Variants in CHTF18 observed in about 807,000 individuals in gnomAD.
CHTF18 encodes chromosome transmission fidelity factor 18, also known as chromosome transmission fidelity protein 18 homolog.
CHTF18 carries 151 observed loss-of-function variants against 113.4 expected under a neutral mutation model. That is an observed-to-expected ratio of 1.33 (90% CI 1.17 to 1.52). The LOEUF (loss-of-function observed/expected upper bound fraction) is 1.52. Ranked by LOEUF, CHTF18 falls within the 40% of genes most tolerant of loss-of-function variation. CHTF18 has a pLI of 0.00. For synonymous variants in CHTF18, 916 were observed against 598.8 expected, an observed-to-expected ratio of 1.53 and a Z score of -7.74; for missense variants, 1,982 against 1,381.6, an observed-to-expected ratio of 1.43 and a Z score of -6.89.
chr16:797,060 C>T lies in CHTF18; in HGVS notation c.2701C>T (p.His901Tyr). Residue 901 changes from histidine to tyrosine, a missense_variant, in exon 20 of 22, where the codon CAC becomes TAC. Physicochemically the swap from His to Tyr is moderately conservative, Grantham distance 83. Coordinates refer to ENST00000262315, the MANE Select transcript of CHTF18 (RefSeq NM_022092.3). ...APRNHEQRLE[H>Y]IMRRAAREEQ... Reference sequence around the variant, plus strand: ...ACGCAACCATGAGCAGCGGCTGGAGCACATCATGAGGCGAGCGGCCCGGGA... The same window carrying T: ...ACGCAACCATGAGCAGCGGCTGGAGTACATCATGAGGCGAGCGGCCCGGGA... The T allele has an allele frequency of 1.3e-6, 2 of 1,554,104 alleles. No individual in the cohort carries two copies. The highest frequency in any genetic ancestry group is 1.9e-5 in the Admixed American group (1 of 51,524).
rs910124956 is a variant in CHTF18, at chr16:792,141, G to A, written c.1203-83G>A. 1.1e-5 allele frequency: 17 copies of A among 1,524,620 alleles called. No homozygotes were observed. The African/African-American group carries it at 1.2e-4, about 11-fold the overall frequency. 94.4% of individuals were successfully genotyped at this position (1,524,620 alleles called of 1,614,324 possible). A position where few individuals can be genotyped will look rare whatever the true frequency, so the allele number is the denominator to read the frequency against. ...AGCCGCGTCATGTGACGGTCTCCAC[G>A]CAAATGCGGCAGCCCCGGCCTTGGG... On this transcript the variant is annotated intron_variant, in intron 9 of 21. Coordinates refer to ENST00000262315, the MANE Select transcript of CHTF18 (RefSeq NM_022092.3).
Position 789,206 on chromosome 16 carries a change from C to T in CHTF18, c.287-4C>T, listed in dbSNP as rs1215475510. 1.9e-6 allele frequency: 3 copies of T among 1,550,872 alleles called. No homozygotes were observed. The highest frequency in any genetic ancestry group is 2.6e-6 in the Non-Finnish European group (3 of 1,147,268). On this transcript the variant is annotated splice_polypyrimidine_tract_variant and splice_region_variant and intron_variant, in intron 2 of 21. Coordinates refer to ENST00000262315, the MANE Select transcript of CHTF18 (RefSeq NM_022092.3). ...CTCTGGTTCCCTGCATGTGTCTCCC[C>T]CAGCCCCCAGGATCAAACGGCCTAG...
intron 9 of CHTF18, 55 bp from the exon 10 acceptor site, chr16:792,169 G>C (rs1226128294): frequency 2.0e-6 from 3 of 1,536,606 alleles, no homozygotes; most frequent in Admixed American, 4.0e-5. Context: ...GCCTTGGGAG[G>C]CTGCCCTGCC....
intron 14 of CHTF18, 56 bp downstream of exon 14, chr16:793,330 G>C: frequency 6.3e-7 from 1 of 1,582,810 alleles, no homozygotes; most frequent in Non-Finnish European, 8.6e-7. Flanking sequence ...ACCTCAGGAC[G>C]CTAGCCCTGT....
chr16:797,575 A>T, intron 20 of CHTF18, 119 bp from the exon 21 acceptor site: 1 of 1,064,446 alleles, frequency 9.4e-7, no homozygotes, highest in Non-Finnish European at 1.4e-6. Flanking sequence ...AGGTTCCGAA[A>T]GGTGTCTCAG....
chr16:791,235 G>A lies in CHTF18; in HGVS notation c.969G>A (p.Arg323=). The change falls in exon 8 of 22, where the codon CGG becomes CGA. Residue 323 remains arginine (R), a synonymous_variant. Transcript: ENST00000262315. ...TGTTTGGCCACGAGAGGCCTTCCCG[G>A]AAGCCCAGGCCCAGTGTTGAGCCGG... ...LVVFGHERPS[R]KPRPSVEPAR... 6.2e-7 allele frequency: 1 copy of A among 1,611,180 alleles called. No homozygotes were observed. Among genetic ancestry groups the A allele is most frequent in the Non-Finnish European group, 8.5e-7 (1 of 1,179,424 alleles).
intron 8 of CHTF18, chr16:791,614 G>T: frequency 7.0e-7 from 1 of 1,430,450 alleles, no homozygotes; most frequent in Non-Finnish European, 9.1e-7. Flanking sequence ...TGGTTTCTGG[G>T]GGCCAGTCAC....
Position 791,193 on chromosome 16 carries a change from G to C in CHTF18, c.927G>C (p.Lys309Asn), listed in dbSNP as rs1204627784. The change falls in exon 8 of 22, where the codon AAG becomes AAC. Residue 309 changes from lysine to asparagine, a missense_variant. Lys to Asn is a moderately conservative substitution (Grantham distance 94). Transcript: ENST00000262315. ...ACCGCTGCCTGCTCAAGTGGCTGAA[G>C]TTGTGGGACCTGGTGGTGTTTGGCC... The part of the protein sequence containing the change: ...FTNRCLLKWL[K>N]LWDLVVFGHE... The C allele has an allele frequency of 6.2e-7, 1 of 1,611,718 alleles. No individual in the cohort carries two copies. The highest frequency in any genetic ancestry group is 1.7e-5 in the Admixed American group (1 of 59,924).
At position 797,870 on chromosome 16, in the gene CHTF18, G is replaced by A; in HGVS notation, c.2823G>A (p.Glu941=). The change falls in exon 22 of 22, where the codon GAG becomes GAA. Residue 941 remains glutamate, a synonymous_variant. Transcript: ENST00000262315. ...GDTAPEQDSV[E]RRMGTAVGRS... ...CGGCCCCGGAGCAGGACTCAGTGGA[G>A]CGGCGCATGGGCACAGCGGTGGGCA... is the stretch of plus-strand genomic sequence containing the variant. 2 of 1,609,088 alleles carry A rather than the reference G, an allele frequency of 1.2e-6. No individual in the cohort carries two copies. The highest frequency in any genetic ancestry group is 1.1e-5 in the South Asian group (1 of 90,448).
At chr16:788,884 G>A in intron 1 of CHTF18, 47 bp from the exon 2 acceptor site, 1 of 1,506,106 alleles carries the variant, frequency 6.6e-7, no homozygotes, top group Non-Finnish European at 8.8e-7. Context: ...GCCGCTGGCG[G>A]GATCTGCTGT....
chr16:793,821 G>T (rs752873251), intron 14 of CHTF18: 6 of 647,276 alleles, frequency 9.3e-6, no homozygotes, highest in African/African-American at 9.0e-5. Flanking sequence ...ACCCCAGAGG[G>T]TCAGGGCAGG....
At position 790,373 on chromosome 16, in the gene CHTF18, C is replaced by T. The variant is rs1192417221; in HGVS notation, c.726C>T (p.Ala242=). 3.7e-6 allele frequency: 6 copies of T among 1,611,846 alleles called. No homozygotes were observed. The highest frequency in any genetic ancestry group is 4.2e-6 in the Non-Finnish European group (5 of 1,179,674). Residue 242 remains alanine (A), a synonymous_variant, in exon 6 of 22, where the codon GCC becomes GCT. Transcript: ENST00000262315. Reference sequence around the variant, plus strand: ...GGCGGGAGCGGCTGCTTCAGGAGGCCCAGAAGCTTTCAGACACCCTGCACA... The same window carrying T: ...GGCGGGAGCGGCTGCTTCAGGAGGCTCAGAAGCTTTCAGACACCCTGCACA... ...GERRERLLQE[A]QKLSDTLHSL...
chr16:794,599 A>T (rs141559653), intron 15 of CHTF18: 2,830 of 258,344 alleles, frequency 0.011, 34 homozygotes, highest in Middle Eastern at 0.023. Flanking sequence ...TGCCCGCGGG[A>T]GTCCCCGCCT....
chr16:796,581 G>A (rs1372939021), intron 18 of CHTF18, 136 bp from the exon 19 acceptor site: 11 of 1,039,868 alleles, frequency 1.1e-5, no homozygotes, highest in East Asian at 2.8e-5. Flanking sequence ...GTTGGGGTGC[G>A]GTGGCACCAG....
intron 15 of CHTF18, 134 bp from the exon 16 acceptor site, chr16:794,998 T>C (rs2042297566): frequency 5.7e-6 from 4 of 695,776 alleles, no homozygotes; most frequent in Non-Finnish European, 9.6e-6. Flanking sequence ...TGGGGACCCT[T>C]GTGGAGGGTC....
rs200576125 is a variant in CHTF18, at chr16:797,649, T to A, written c.2734-45T>A. On this transcript the variant is annotated intron_variant, in intron 20 of 21. Coordinates refer to ENST00000262315, the MANE Select transcript of CHTF18 (RefSeq NM_022092.3). ...CCTCCTGTCTTGGGTAGGGGCTGGA[T>A]GGGGCATCTGTCCTATACGACTGAC... The A allele has an allele frequency of 1.5e-4, 234 of 1,596,060 alleles. No homozygotes were observed. The African/African-American group carries it at 3.0e-3, about 20-fold the overall frequency.
At chr16:792,053 T>TGG in intron 9 of CHTF18, 105 bp downstream of exon 9, 3 of 1,541,486 alleles carry the variant, frequency 1.9e-6, no homozygotes, top group Non-Finnish European at 2.6e-6. Flanking sequence ...TTGAGGGTGG[T>TGG]GGGGGCCTGG....
In CHTF18 at chr16:797,082, G is replaced by T. The variant is rs748653954; in HGVS notation, c.2723G>T (p.Arg908Leu). The T allele has an allele frequency of 4.6e-6, 7 of 1,527,100 alleles. No individual in the cohort carries two copies. In the Admixed American group the frequency reaches 8.3e-5, roughly 18 times the overall value. The allele number at this position is 1,527,100 out of a possible 1,614,324, so 94.6% of individuals were successfully genotyped here. A position where few individuals can be genotyped will look rare whatever the true frequency, so the allele number is the denominator to read the frequency against. Reference sequence around the variant, plus strand: ...GAGCACATCATGAGGCGAGCGGCCCGGGAGGAACAGGTGTGGAATGGGCAG... The same window carrying T: ...GAGCACATCATGAGGCGAGCGGCCCTGGAGGAACAGGTGTGGAATGGGCAG... ...RLEHIMRRAA[R>L]EEQPEKDFFG... Residue 908 changes from arginine to leucine, a missense_variant, in exon 20 of 22, where the codon CGG becomes CTG. Arg to Leu is a moderately radical substitution (Grantham distance 102, BLOSUM62 -2). Coordinates refer to ENST00000262315, the MANE Select transcript of CHTF18 (RefSeq NM_022092.3).
chr16:797,556 G>T, intron 20 of CHTF18, 138 bp from the exon 21 acceptor site: 1 of 841,196 alleles, frequency 1.2e-6, no homozygotes, highest in Non-Finnish European at 1.9e-6. Context: ...GGGGCAGCTG[G>T]CCTGGGCCAG....
Sources: allele counts gnomAD v4.1 joint callset, GRCh38; gene constraint gnomAD v4.1.1; transcripts MANE v1.5; gene names NCBI Gene and HGNC (gene_info 2026-07-23, HGNC 2026-07-21).